The following SPIDR variants were observed in gnomAD, a reference collection of about 807,000 sequenced individuals.
The protein encoded by SPIDR is scaffold protein involved in DNA repair, also known as DNA repair-scaffolding protein.
In SPIDR, 93 loss-of-function variants were observed where a neutral mutation model predicts 104.6. That is an observed-to-expected ratio of 0.89 (90% confidence interval 0.75 to 1.06). The LOEUF (loss-of-function observed/expected upper bound fraction) is 1.06, where lower values mean the gene tolerates loss of function less well. Among genes scored for constraint, SPIDR ranks in the 50% least tolerant of loss-of-function variants. The pLI is 0.00. For synonymous variants in SPIDR, 431 were observed against 416.9 expected, an observed-to-expected ratio of 1.03 and a Z score of -0.41; for missense variants, 1,154 against 1,111.2, an observed-to-expected ratio of 1.04 and a Z score of -0.55.
At chr8:47,373,382 T>C (rs533492491) in intron 5 of SPIDR, among the ~76,000 whole-genome samples, 1 of 152,324 alleles carries the variant, frequency 6.6e-6, no homozygotes, top group African/African-American at 2.4e-5. Context: ...ATATGGTTGG[T>C]ACACATTAGT....
intron 2 of SPIDR, among the ~76,000 whole-genome samples, chr8:47,280,325 C>T (rs2037483659): frequency 6.6e-6 from 1 of 151,124 alleles, no homozygotes; most frequent in Admixed American, 6.6e-5. Flanking sequence ...CTCATGGCAT[C>T]CTTCAGGCTA....
intron 5 of SPIDR, among the ~76,000 whole-genome samples, chr8:47,306,395 C>T (rs2043102486): frequency 6.6e-6 from 1 of 152,236 alleles, no homozygotes; most frequent in East Asian, 1.9e-4. Context: ...CCCACCTCAG[C>T]CTCACAAAGT....
intron 19 of SPIDR, among the ~76,000 whole-genome samples, chr8:47,734,007 C>T (rs1373946282): frequency 3.3e-5 from 5 of 152,198 alleles, no homozygotes; most frequent in African/African-American, 7.2e-5. Flanking sequence ...GCGTCAGTAG[C>T]GTTCACATCC....
At chr8:47,658,216 T>C (rs1422540557) in intron 10 of SPIDR, among the ~76,000 whole-genome samples, 2 of 151,074 alleles carry the variant, frequency 1.3e-5, no homozygotes, top group African/African-American at 2.4e-5. Flanking sequence ...GTCGGAAGTT[T>C]GAGACCAGCC....
intron 10 of SPIDR, among the ~76,000 whole-genome samples, chr8:47,658,266 A>G (rs2073309510): frequency 6.6e-6 from 1 of 151,794 alleles, no homozygotes; most frequent in African/African-American, 2.4e-5. Flanking sequence ...TAAAAATGCA[A>G]AATCAGCTGG....
At chr8:47,590,533 ATACTC>A (rs1722893600) in intron 8 of SPIDR, among the ~76,000 whole-genome samples, 1 of 152,190 alleles carries the variant, frequency 6.6e-6, no homozygotes, top group African/African-American at 2.4e-5. Flanking sequence ...ATTAGAGAAT[ATACTC>A]TATATGATTT....
intron 5 of SPIDR, among the ~76,000 whole-genome samples, chr8:47,336,693 T>C (rs1410344071): frequency 6.6e-6 from 1 of 152,216 alleles, no homozygotes; most frequent in Non-Finnish European, 1.5e-5. Flanking sequence ...CAGATAAATA[T>C]AAGTTTTAAG....
chr8:47,431,327 A>G (rs2067330931), intron 7 of SPIDR, among the ~76,000 whole-genome samples: 1 of 152,230 alleles, frequency 6.6e-6, no homozygotes, highest in South Asian at 2.1e-4. Context: ...ACTGAAGGTT[A>G]GGACTTCAAC....
At chr8:47,708,936 T>G (rs183705233) in intron 14 of SPIDR, among the ~76,000 whole-genome samples, 27 of 152,304 alleles carry the variant, frequency 1.8e-4, no homozygotes, top group Admixed American at 1.8e-3. Context: ...GAAGGACATC[T>G]TGGTTGTTTC....
Position 47,721,426 on chromosome 8 carries a change from T to A in SPIDR, c.2342-5774T>A, listed in dbSNP as rs570874124. Among the ~76,000 whole-genome samples the A allele has an allele frequency of 9.2e-5, 14 of 152,268 alleles. No individual in the cohort carries two copies. The South Asian group carries it at 2.9e-3, about 32-fold the overall frequency. ...TATATTTATGAGGGTCTGTGTTCCC[T>A]TGATCTATTTGTTCTTTTGCTACCA... is the stretch of plus-strand genomic sequence containing the variant. On this transcript the variant is annotated intron_variant, in intron 16 of 19. Transcript: ENST00000297423.
chr8:47,615,933 G>T (rs1356406811), intron 10 of SPIDR, among the ~76,000 whole-genome samples: 1 of 151,612 alleles, frequency 6.6e-6, no homozygotes, highest in Non-Finnish European at 1.5e-5. Context: ...TTATTATTTT[G>T]ATGTTATTAT....
At chr8:47,390,273 A>G (rs1343355258) in intron 5 of SPIDR, among the ~76,000 whole-genome samples, 6 of 152,178 alleles carry the variant, frequency 3.9e-5, no homozygotes, top group Admixed American at 3.9e-4. Context: ...TATACCACTG[A>G]GAAGCTAGCA....
At chr8:47,471,061 TAA>T (rs1469551199) in intron 8 of SPIDR, among the ~76,000 whole-genome samples, 3 of 152,132 alleles carry the variant, frequency 2.0e-5, no homozygotes, top group Admixed American at 1.3e-4. Flanking sequence ...GCCAAAACTA[TAA>T]AACCATTAGA....
chr8:47,723,676 A>G (rs1252855607), intron 16 of SPIDR, among the ~76,000 whole-genome samples: 1 of 151,630 alleles, frequency 6.6e-6, no homozygotes, highest in African/African-American at 2.4e-5. Flanking sequence ...CGATCCTCCC[A>G]CCTTGGCCTC....
chr8:47,659,886 G>A (rs1019284970), intron 10 of SPIDR, among the ~76,000 whole-genome samples: 4 of 152,306 alleles, frequency 2.6e-5, no homozygotes, highest in African/African-American at 9.6e-5. Context: ...GCCTGACTCC[G>A]ATTCCGGGAA....
chr8:47,303,226 G>C (rs587621192), intron 5 of SPIDR, among the ~76,000 whole-genome samples: 1 of 152,236 alleles, frequency 6.6e-6, no homozygotes, highest in African/African-American at 2.4e-5. Context: ...GGCTCCGTGG[G>C]CGTAGGACTC....
intron 10 of SPIDR, among the ~76,000 whole-genome samples, chr8:47,600,251 A>G (rs185312679): frequency 1.3e-5 from 2 of 152,278 alleles, no homozygotes; most frequent in African/African-American, 2.4e-5. Context: ...TTGCTCACAC[A>G]TATAATCCCA....
At chr8:47,700,329 TTC>T (rs2079984397) in intron 11 of SPIDR, 72 bp from the exon 12 acceptor site, 1 of 1,470,478 alleles carries the variant, frequency 6.8e-7, no homozygotes, top group African/African-American at 1.4e-5. Flanking sequence ...CTGTTAAGCA[TTC>T]TACCAGCTCA....
chr8:47,677,720 T>A (rs2076615705), intron 11 of SPIDR, among the ~76,000 whole-genome samples: 1 of 152,158 alleles, frequency 6.6e-6, no homozygotes, highest in Non-Finnish European at 1.5e-5. Flanking sequence ...ATTAGAGTAG[T>A]TGATGATTCA....
Sources: gnomAD v4.1 joint callset for allele counts (sites outside exome capture counted in the v4.1 genomes callset) on GRCh38, gnomAD v4.1.1 for gene constraint, MANE v1.5 for transcripts, NCBI Gene and HGNC (gene_info 2026-07-23, HGNC 2026-07-21) for gene names.